ARID5B: variants seen among roughly 807,000 people sequenced by gnomAD.
ARID5B encodes the protein AT-rich interaction domain 5B, also known as AT-rich interactive domain-containing protein 5B.
ARID5B carries 13 observed loss-of-function variants against 97.2 expected under a neutral mutation model. The ratio of observed to expected loss-of-function variants is 0.13; its 90% CI spans 0.09 to 0.21. ARID5B has a LOEUF of 0.21. Ranked by LOEUF, ARID5B falls within the 10% of genes least tolerant of loss-of-function variation. The pLI is 1.00. For synonymous variants in ARID5B, 556 were observed against 570.3 expected (o/e 0.97, Z 0.36); for missense variants, 1,210 against 1,465.3 (o/e 0.83, Z 2.84).
At chr10:61,909,348 C>CG (rs1335564161) in intron 2 of ARID5B, among the ~76,000 whole-genome samples, 1 of 81,320 alleles carries the variant, frequency 1.2e-5, no homozygotes, top group African/African-American at 5.0e-5. Context: ...TTTTTTGAGA[C>CG]GGAGTCTCGC....
intron 4 of ARID5B, among the ~76,000 whole-genome samples, chr10:62,035,571 A>C (rs149687497): frequency 0.018 from 2,662 of 149,608 alleles, 28 homozygotes; most frequent in Non-Finnish European, 0.026. Context: ...GCTCACTGCA[A>C]CCTCCACCTC....
chr10:61,907,223 G>A (rs1045692060), intron 2 of ARID5B, among the ~76,000 whole-genome samples: 6 of 136,616 alleles, frequency 4.4e-5, no homozygotes, highest in African/African-American at 1.5e-4. Flanking sequence ...CTGTCAACTG[G>A]ATCAGCAGGA....
At chr10:62,062,405 A>T (rs1025729096) in intron 7 of ARID5B, among the ~76,000 whole-genome samples, 1 of 152,172 alleles carries the variant, frequency 6.6e-6, no homozygotes, top group Non-Finnish European at 1.5e-5. Flanking sequence ...CCAAGATATA[A>T]ACTGTGGTGG....
intron 4 of ARID5B, among the ~76,000 whole-genome samples, chr10:62,044,398 A>G (rs1839679653): frequency 1.5e-5 from 2 of 137,242 alleles, no homozygotes; most frequent in African/African-American, 2.7e-5. Flanking sequence ...TTTTTTTTTA[A>G]GAGACAAGGT....
chr10:61,920,018 A>T (rs1239407725), intron 2 of ARID5B, among the ~76,000 whole-genome samples: 15 of 152,194 alleles, frequency 9.9e-5, no homozygotes. Flanking sequence ...AGGTGTTCAC[A>T]TCTCTCCTGA....
At position 62,057,249 on chromosome 10, in the gene ARID5B, G is replaced by A. The variant is rs1365260841; in HGVS notation, c.979G>A (p.Ala327Thr). ...GGCAGATGAACAAGCCTTCTTGGTGGCACTTTATAAATACATGAAAGAAAG... is the reference window on the plus strand; with the variant it reads ...GGCAGATGAACAAGCCTTCTTGGTGACACTTTATAAATACATGAAAGAAAG... The part of the protein sequence containing the change: ...CRADEQAFLV[A>T]LYKYMKERKT... The change falls in exon 6 of 10, where the codon GCA (alanine) becomes ACA (threonine). Residue 327 changes from alanine to threonine, a missense_variant. Transcript: ENST00000279873. 4.3e-6 allele frequency: 7 copies of A among 1,612,596 alleles called. No individual in the cohort carries two copies. Among genetic ancestry groups the A allele is most frequent in the Non-Finnish European group, 5.9e-6 (7 of 1,179,338 alleles).
chr10:62,041,997 A>C (rs1839644034), intron 4 of ARID5B, among the ~76,000 whole-genome samples: 1 of 152,268 alleles, frequency 6.6e-6, no homozygotes, highest in South Asian at 2.1e-4. Context: ...AGAGAGAGAC[A>C]AAAAATTAAC....
intron 2 of ARID5B, among the ~76,000 whole-genome samples, chr10:61,910,366 A>T (rs1256766260): frequency 6.6e-6 from 1 of 152,180 alleles, no homozygotes; most frequent in Non-Finnish European, 1.5e-5. Flanking sequence ...GTGTAGTTGG[A>T]TATTTGCCAT....
chr10:61,981,066 G>T (rs1461318714), intron 3 of ARID5B, among the ~76,000 whole-genome samples: 2 of 152,200 alleles, frequency 1.3e-5, no homozygotes, highest in South Asian at 2.1e-4. Context: ...GGGTTCCAGA[G>T]TCACCTTGAA....
chr10:62,076,561 C>CAAAAAA (rs11363274), intron 8 of ARID5B, among the ~76,000 whole-genome samples: 4 of 92,684 alleles, frequency 4.3e-5, no homozygotes, highest in Admixed American at 1.2e-4. Flanking sequence ...GACTCTGTCT[C>CAAAAAA]AAAAAAAAAA....
intron 4 of ARID5B, among the ~76,000 whole-genome samples, chr10:62,025,778 C>T (rs375320525): frequency 6.7e-6 from 1 of 148,918 alleles, no homozygotes; most frequent in East Asian, 2.0e-4. Context: ...ATCAAGCATG[C>T]CTGCTGACCA....
intron 8 of ARID5B, among the ~76,000 whole-genome samples, chr10:62,070,790 A>G (rs115453237): frequency 6.6e-6 from 1 of 152,310 alleles, no homozygotes; most frequent in African/African-American, 2.4e-5. Flanking sequence ...TTGATAATAG[A>G]TGTTCAAATT....
At chr10:62,090,786 G>A (rs1840357577) in intron 9 of ARID5B, 76 bp from the exon 10 acceptor site, 10 of 1,496,698 alleles carry the variant, frequency 6.7e-6, no homozygotes, top group Non-Finnish European at 8.9e-7. Flanking sequence ...ACTGCTGTGT[G>A]GAATATTTTA....
intron 7 of ARID5B, among the ~76,000 whole-genome samples, chr10:62,065,993 T>C (rs1839982482): frequency 1.3e-5 from 2 of 152,036 alleles, no homozygotes; most frequent in Admixed American, 1.3e-4. Flanking sequence ...AGCCCCTTGA[T>C]TAGATCAAAT....
In ARID5B at chr10:61,940,174, C is replaced by T; in HGVS notation, c.277-9C>T. ...ACGTTTTTTGTTCTTCCCCAACCACCTCTTGTAGGATGAAGTCATTGCTGT... is the reference window on the plus strand; with the variant it reads ...ACGTTTTTTGTTCTTCCCCAACCACTTCTTGTAGGATGAAGTCATTGCTGT... On this transcript the variant is annotated splice_polypyrimidine_tract_variant and intron_variant, in intron 2 of 9. Coordinates refer to ENST00000279873, the MANE Select transcript of ARID5B (RefSeq NM_032199.3). 6.2e-7 allele frequency: 1 copy of T among 1,613,732 alleles called. No homozygotes were observed. Among genetic ancestry groups the T allele is most frequent in the Non-Finnish European group, 8.5e-7 (1 of 1,179,618 alleles).
intron 4 of ARID5B, among the ~76,000 whole-genome samples, chr10:62,039,508 A>G (rs954160042): frequency 3.4e-5 from 5 of 148,702 alleles, no homozygotes; most frequent in African/African-American, 1.3e-4. Flanking sequence ...TTTGATTGGC[A>G]TGTAGTGTTT....
At chr10:62,007,956 C>CATT (rs947605623) in intron 4 of ARID5B, among the ~76,000 whole-genome samples, 13 of 152,116 alleles carry the variant, frequency 8.5e-5, no homozygotes, top group Non-Finnish European at 1.9e-4. Flanking sequence ...CCCAGTGTGT[C>CATT]ATTATCTTTC....
chr10:61,998,295 A>G (rs1839029329), intron 3 of ARID5B, among the ~76,000 whole-genome samples: 1 of 152,222 alleles, frequency 6.6e-6, no homozygotes, highest in Non-Finnish European at 1.5e-5. Context: ...CCAGATGGCC[A>G]TGATAATGTC....
intron 3 of ARID5B, among the ~76,000 whole-genome samples, chr10:61,992,953 C>CATAAAATT (rs1838947126): frequency 6.6e-6 from 1 of 152,190 alleles, no homozygotes; most frequent in Non-Finnish European, 1.5e-5. Context: ...TAATTTACGT[C>CATAAAATT]ACAGTTTGTT....
Sources: allele counts gnomAD v4.1 joint callset (sites outside exome capture counted in the v4.1 genomes callset), GRCh38; gene constraint gnomAD v4.1.1; transcripts MANE v1.5; gene names NCBI Gene and HGNC (gene_info 2026-07-23, HGNC 2026-07-21).